The following AKT3 variants were observed in gnomAD, a reference collection of about 807,000 sequenced individuals.
AKT3 encodes AKT serine/threonine kinase 3, also known as RAC-gamma serine/threonine-protein kinase.
In AKT3, 15 loss-of-function variants were observed where a neutral mutation model predicts 65.3. The observed-to-expected ratio is 0.23, with a 90% CI of 0.15 to 0.35. The LOEUF (loss-of-function observed/expected upper bound fraction) is 0.35, where lower values mean the gene tolerates loss of function less well. AKT3 is among the 10% of genes least tolerant of loss of function. The probability of loss-of-function intolerance (pLI) is 1.00; values close to 1 mark genes in which losing one functional copy is unlikely to be tolerated. For missense variants in AKT3, 243 were observed against 576.5 expected, an observed-to-expected ratio of 0.42 and a Z score of 5.92; for synonymous variants, 206 against 183.8, an observed-to-expected ratio of 1.12 and a Z score of -0.98.
intron 2 of AKT3, among the ~76,000 whole-genome samples, chr1:243,787,358 T>C (rs1691333468): frequency 6.6e-6 from 1 of 152,200 alleles, no homozygotes; most frequent in African/African-American, 2.4e-5. Context: ...TATGAAAAAC[T>C]AGTCCCAGCT....
At chr1:243,791,781 T>C (rs979783779) in intron 2 of AKT3, among the ~76,000 whole-genome samples, 4 of 152,168 alleles carry the variant, frequency 2.6e-5, no homozygotes, top group African/African-American at 9.7e-5. Flanking sequence ...AAGAACAAAC[T>C]GTGCTCCTGC....
At chr1:243,632,588 T>C (rs1679687576) in intron 6 of AKT3, among the ~76,000 whole-genome samples, 1 of 152,190 alleles carries the variant, frequency 6.6e-6, no homozygotes, top group Non-Finnish European at 1.5e-5. Flanking sequence ...AGTCACCAAC[T>C]GCATAGCCAC....
At chr1:243,585,669 C>T (rs562997498) in intron 8 of AKT3, among the ~76,000 whole-genome samples, 31 of 152,126 alleles carry the variant, frequency 2.0e-4, no homozygotes, top group South Asian at 8.3e-4. Context: ...TATGGTGCTT[C>T]GACAGCTGGT....
At chr1:243,671,750 C>G (rs1393804638) in intron 3 of AKT3, among the ~76,000 whole-genome samples, 1 of 152,120 alleles carries the variant, frequency 6.6e-6, no homozygotes, top group Non-Finnish European at 1.5e-5. Flanking sequence ...AAAGGAAAAA[C>G]CTAAAAGGTG....
At chr1:243,499,069 T>TTAAAC (rs1351375524), downstream of AKT3, among the ~76,000 whole-genome samples, 3 of 152,188 alleles carry the variant, frequency 2.0e-5, no homozygotes, top group Admixed American at 1.3e-4. Flanking sequence ...CTGATGTGGT[T>TTAAAC]TAAACTAATT....
At chr1:243,495,499 G>A (rs766331028), downstream of AKT3, among the ~76,000 whole-genome samples, 16 of 152,198 alleles carry the variant, frequency 1.1e-4, no homozygotes, top group Non-Finnish European at 1.8e-4. Context: ...AAGAATGGCC[G>A]CTGCCCTGCG....
intron 4 of AKT3, among the ~76,000 whole-genome samples, chr1:243,651,821 T>C (rs775309322): frequency 2.0e-4 from 30 of 152,152 alleles, no homozygotes; most frequent in Non-Finnish European, 4.1e-4. Context: ...GATTTTTGCA[T>C]AGATGTTCAT....
intron 12 of AKT3, among the ~76,000 whole-genome samples, chr1:243,534,643 A>C (rs1671774405): frequency 6.6e-6 from 1 of 152,220 alleles, no homozygotes; most frequent in Non-Finnish European, 1.5e-5. Context: ...AAATCATATA[A>C]AAGTATGCTC....
At chr1:243,704,504 A>G (rs1247542711) in intron 2 of AKT3, among the ~76,000 whole-genome samples, 2 of 152,186 alleles carry the variant, frequency 1.3e-5, no homozygotes, top group Non-Finnish European at 2.9e-5. Flanking sequence ...AGAATGTCAT[A>G]CTGGGGATGG....
downstream of AKT3, among the ~76,000 whole-genome samples, chr1:243,497,337 T>TGGG (rs373624566): frequency 2.6e-3 from 91 of 35,394 alleles, 1 homozygote; most frequent in Non-Finnish European, 4.3e-3. Context: ...TAGGCACGGG[T>TGGG]GGGGGGGGGG....
rs549248619 is a variant in AKT3, at chr1:243,795,633, G to A, written c.46+47492C>T. 3.2e-4 allele frequency among the ~76,000 whole-genome samples: 48 copies of A among 150,528 alleles called. No individual in the cohort carries two copies. In the East Asian group the frequency reaches 4.5e-3, roughly 14 times the overall value. On this transcript the variant is annotated intron_variant, in intron 2 of 13. Transcript: ENST00000673466. The stretch of plus-strand genomic sequence containing the variant: ...ACTACAGGCGCCCGCCACTACGCCC[G>A]GCTAATTTTTTGTATTTTTAGTAGA...
chr1:243,709,134 T>C (rs1685989805), intron 2 of AKT3, among the ~76,000 whole-genome samples: 1 of 151,648 alleles, frequency 6.6e-6, no homozygotes. Context: ...TTACCCTATA[T>C]AATCCAGTGG....
intron 8 of AKT3, among the ~76,000 whole-genome samples, chr1:243,582,447 CAA>C (rs59718769): frequency 0.52 from 50,938 of 97,458 alleles, 11,665 homozygotes; most frequent in Admixed American, 0.61. Flanking sequence ...TTAGCTTTCT[CAA>C]AAAAAAAAAA....
intron 3 of AKT3, among the ~76,000 whole-genome samples, chr1:243,692,444 C>G (rs1684753539): frequency 6.6e-6 from 1 of 152,012 alleles, no homozygotes; most frequent in South Asian, 2.1e-4. Context: ...TAAAAATACA[C>G]AAGTTTGGCC....
intron 2 of AKT3, among the ~76,000 whole-genome samples, chr1:243,733,313 T>G (rs1287410417): frequency 6.6e-6 from 1 of 152,166 alleles, no homozygotes. Flanking sequence ...TTTTGACTCA[T>G]AAGAGACCTC....
intron 3 of AKT3, among the ~76,000 whole-genome samples, chr1:243,689,874 G>A (rs1450494395): frequency 6.6e-6 from 1 of 152,072 alleles, no homozygotes; most frequent in Admixed American, 6.6e-5. Flanking sequence ...AAGCTTGGGA[G>A]ATTGAGGCTA....
chr1:243,834,325 T>TA (rs1031021133), intron 2 of AKT3, among the ~76,000 whole-genome samples: 56 of 152,094 alleles, frequency 3.7e-4, no homozygotes, highest in African/African-American at 1.3e-3. Context: ...TATGCAGCCA[T>TA]AAAAAAAGAA....
intron 2 of AKT3, among the ~76,000 whole-genome samples, chr1:243,805,864 ATATC>A (rs930236673): frequency 1.3e-5 from 2 of 152,184 alleles, no homozygotes; most frequent in African/African-American, 4.8e-5. Flanking sequence ...CTGAAAAATT[ATATC>A]TATCATTAAA....
intron 12 of AKT3, among the ~76,000 whole-genome samples, chr1:243,525,341 G>A (rs1670973701): frequency 6.6e-6 from 1 of 151,852 alleles, no homozygotes; most frequent in Admixed American, 6.6e-5. Context: ...CAATGCCCAG[G>A]ATATATTCCA....
Sources: gnomAD v4.1 joint callset for allele counts (sites outside exome capture counted in the v4.1 genomes callset) on GRCh38, gnomAD v4.1.1 for gene constraint, MANE v1.5 for transcripts, NCBI Gene and HGNC (gene_info 2026-07-23, HGNC 2026-07-21) for gene names.